The following CERS6 variants were observed in gnomAD, a reference collection of about 807,000 sequenced individuals.
The protein encoded by CERS6 is ceramide synthase 6.
A neutral mutation model predicts 56.8 loss-of-function variants in CERS6; 26 were observed. That is an observed-to-expected ratio of 0.46 (90% CI 0.34 to 0.63). CERS6 has a LOEUF of 0.63. Among genes scored for constraint, CERS6 ranks in the 30% least tolerant of loss-of-function variants. The pLI, the probability that CERS6 is intolerant of heterozygous loss-of-function variation, is 0.01. For synonymous variants in CERS6, 164 were observed against 173.3 expected (o/e 0.95, Z 0.42); for missense variants, 415 against 467.5 (o/e 0.89, Z 1.04).
intron 7 of CERS6, among the ~76,000 whole-genome samples, chr2:168,717,065 G>A (rs995520558): frequency 1.3e-5 from 2 of 152,132 alleles, no homozygotes; most frequent in African/African-American, 2.4e-5. Context: ...AGTCTCACCT[G>A]TTTTTAGAAT....
intron 8 of CERS6, among the ~76,000 whole-genome samples, chr2:168,743,760 G>A (rs1235483021): frequency 1.3e-5 from 2 of 152,038 alleles, no homozygotes; most frequent in Admixed American, 6.6e-5. Context: ...AATGACCCAG[G>A]TCATTGTAAC....
intron 1 of CERS6, among the ~76,000 whole-genome samples, chr2:168,515,906 C>A (rs1694876819): frequency 6.6e-6 from 1 of 152,036 alleles, no homozygotes. Flanking sequence ...GATGACTGTC[C>A]CTTGCAGTAT....
At chr2:168,730,759 C>G (rs1208019707) in intron 8 of CERS6, among the ~76,000 whole-genome samples, 2 of 152,152 alleles carry the variant, frequency 1.3e-5, no homozygotes, top group African/African-American at 2.4e-5. Flanking sequence ...TTTTCACAAA[C>G]AGTTGTGTCT....
chr2:168,649,439 A>T (rs1685288050), intron 4 of CERS6, among the ~76,000 whole-genome samples: 1 of 152,142 alleles, frequency 6.6e-6, no homozygotes, highest in African/African-American at 2.4e-5. Flanking sequence ...TTACGTCTTA[A>T]TGTGGATTAT....
intron 4 of CERS6, among the ~76,000 whole-genome samples, chr2:168,634,936 A>G (rs1684829361): frequency 6.6e-6 from 1 of 152,210 alleles, no homozygotes; most frequent in Non-Finnish European, 1.5e-5. Flanking sequence ...ACTGTTTACT[A>G]CCAGTCTGCA....
At chr2:168,603,558 C>T (rs1029115315) in intron 3 of CERS6, among the ~76,000 whole-genome samples, 3 of 152,168 alleles carry the variant, frequency 2.0e-5, no homozygotes, top group Non-Finnish European at 4.4e-5. Flanking sequence ...CAGATTTCAC[C>T]GAAGCCCATT....
intron 8 of CERS6, among the ~76,000 whole-genome samples, chr2:168,724,630 A>G (rs1683288828): frequency 6.6e-6 from 1 of 152,080 alleles, no homozygotes; most frequent in Admixed American, 6.5e-5. Context: ...CTAGACATAA[A>G]GGTTCTCCAA....
intron 1 of CERS6, among the ~76,000 whole-genome samples, chr2:168,475,007 T>C (rs978918183): frequency 1.3e-5 from 2 of 152,182 alleles, no homozygotes; most frequent in Non-Finnish European, 2.9e-5. Flanking sequence ...TAACCAAGAT[T>C]CAGCAACAAC....
chr2:168,510,344 T>G (rs1190735368), intron 1 of CERS6, among the ~76,000 whole-genome samples: 2 of 152,218 alleles, frequency 1.3e-5, no homozygotes, highest in African/African-American at 4.8e-5. Context: ...TATAAACAGA[T>G]GTACCATCTT....
intron 3 of CERS6, among the ~76,000 whole-genome samples, chr2:168,574,092 C>T (rs930550700): frequency 3.9e-5 from 6 of 152,090 alleles, no homozygotes; most frequent in Non-Finnish European, 8.8e-5. Context: ...GATAGTATTG[C>T]TCTACTGTTT....
intron 3 of CERS6, among the ~76,000 whole-genome samples, chr2:168,569,556 T>C (rs909358458): frequency 6.6e-6 from 1 of 152,260 alleles, no homozygotes; most frequent in African/African-American, 2.4e-5. Flanking sequence ...TGTGCATATA[T>C]ACTCCTAGGC....
chr2:168,538,002 A>C (rs1490307273), intron 1 of CERS6, among the ~76,000 whole-genome samples: 2 of 152,054 alleles, frequency 1.3e-5, no homozygotes, highest in Non-Finnish European at 2.9e-5. Flanking sequence ...GGATCCTGTG[A>C]GTCCAGTCTT....
chr2:168,682,524 A>G (rs1445131708), intron 4 of CERS6, among the ~76,000 whole-genome samples: 1 of 152,174 alleles, frequency 6.6e-6, no homozygotes, highest in Non-Finnish European at 1.5e-5. Context: ...TGGTTTTAGC[A>G]TAGCGGTAGT....
chr2:168,476,630 G>T (rs1321226777), intron 1 of CERS6, among the ~76,000 whole-genome samples: 15 of 152,154 alleles, frequency 9.9e-5, no homozygotes, highest in Non-Finnish European at 1.5e-5. Flanking sequence ...CAGTCTAAGT[G>T]AAAAGGCCTG....
chr2:168,481,773 G>T (rs1214095768), intron 1 of CERS6, among the ~76,000 whole-genome samples: 2 of 152,106 alleles, frequency 1.3e-5, no homozygotes. Context: ...CCCAAATGTG[G>T]GTTTACTTAT....
chr2:168,740,557 A>C (rs1467098216), intron 8 of CERS6, among the ~76,000 whole-genome samples: 1 of 152,170 alleles, frequency 6.6e-6, no homozygotes. Flanking sequence ...GTTAACATCC[A>C]ACCTTTTCTG....
At chr2:168,745,127 G>A (rs966828213) in intron 8 of CERS6, among the ~76,000 whole-genome samples, 2 of 152,178 alleles carry the variant, frequency 1.3e-5, no homozygotes, top group African/African-American at 4.8e-5. Flanking sequence ...AAAGGGAAAT[G>A]AGTTTTGCAA....
At chr2:168,603,269 C>G (rs907539869) in intron 3 of CERS6, among the ~76,000 whole-genome samples, 1 of 152,186 alleles carries the variant, frequency 6.6e-6, no homozygotes, top group Non-Finnish European at 1.5e-5. Flanking sequence ...TTGAACATTT[C>G]CCTTTCCAGC....
At chr2:168,766,629 C>A (rs1024317470) in intron 9 of CERS6, among the ~76,000 whole-genome samples, 4 of 152,150 alleles carry the variant, frequency 2.6e-5, no homozygotes, top group African/African-American at 9.7e-5. Flanking sequence ...TGAAAGCTTG[C>A]CAGGTACTTG....
Sources: gnomAD v4.1 joint callset for allele counts (sites outside exome capture counted in the v4.1 genomes callset) on GRCh38, gnomAD v4.1.1 for gene constraint, MANE v1.5 for transcripts, NCBI Gene and HGNC (gene_info 2026-07-23, HGNC 2026-07-21) for gene names.